Variants in CNTNAP5 observed in about 807,000 individuals in gnomAD.
CNTNAP5 encodes the protein contactin-associated protein-like 5.
A neutral mutation model predicts 150.2 loss-of-function variants in CNTNAP5; 72 were observed. The ratio of observed to expected loss-of-function variants is 0.48; its 90% CI spans 0.40 to 0.58. The LOEUF (loss-of-function observed/expected upper bound fraction) is 0.58. CNTNAP5 is among the 20% of genes least tolerant of loss of function. The pLI is 0.00. For missense variants in CNTNAP5, 1,636 were observed against 1,626.2 expected, an observed-to-expected ratio of 1.01 and a Z score of -0.10; for synonymous variants, 672 against 619.8, an observed-to-expected ratio of 1.08 and a Z score of -1.25.
chr2:124,450,385 G>T (rs979698297), intron 6 of CNTNAP5, among the ~76,000 whole-genome samples: 1 of 151,570 alleles, frequency 6.6e-6, no homozygotes, highest in African/African-American at 2.4e-5. Context: ...GCAAGAAAAG[G>T]TAGTAGCTTT....
intron 12 of CNTNAP5, among the ~76,000 whole-genome samples, chr2:124,646,795 C>T (rs1245611902): frequency 6.6e-6 from 1 of 152,030 alleles, no homozygotes; most frequent in African/African-American, 2.4e-5. Context: ...TCTTAACTGA[C>T]TATAAAACTA....
At chr2:124,271,604 A>G (rs1389864036) in intron 3 of CNTNAP5, among the ~76,000 whole-genome samples, 1 of 152,178 alleles carries the variant, frequency 6.6e-6, no homozygotes, top group Non-Finnish European at 1.5e-5. Context: ...TTCATCAGAA[A>G]AACTTTGGCT....
intron 21 of CNTNAP5, among the ~76,000 whole-genome samples, chr2:124,902,328 G>T (rs1004229742): frequency 6.6e-6 from 1 of 152,114 alleles, no homozygotes; most frequent in Admixed American, 6.6e-5. Context: ...ACAGAACCAA[G>T]CAGGTGGAAA....
chr2:124,647,582 C>T (rs1678229566), intron 12 of CNTNAP5, among the ~76,000 whole-genome samples, 176 bp from the exon 13 acceptor site: 1 of 152,180 alleles, frequency 6.6e-6, no homozygotes, highest in Non-Finnish European at 1.5e-5. Flanking sequence ...ATTACTGACC[C>T]CCATCCTAAC....
intron 19 of CNTNAP5, among the ~76,000 whole-genome samples, chr2:124,826,310 C>T (rs1439076485): frequency 6.6e-6 from 1 of 152,042 alleles, no homozygotes; most frequent in Admixed American, 6.6e-5. Flanking sequence ...GTTTCACAGC[C>T]TTTCTTAGTG....
intron 10 of CNTNAP5, among the ~76,000 whole-genome samples, chr2:124,537,459 GAT>G (rs1695265395): frequency 6.6e-6 from 1 of 152,174 alleles, no homozygotes; most frequent in Admixed American, 6.5e-5. Context: ...AACACACTGA[GAT>G]AGACGCAGAA....
chr2:124,553,537 A>G (rs1003186417), intron 10 of CNTNAP5, among the ~76,000 whole-genome samples: 2 of 151,714 alleles, frequency 1.3e-5, no homozygotes, highest in Admixed American at 1.3e-4. Context: ...ATGCATAAGG[A>G]AAATAAAAGG....
chr2:124,496,250 T>C (rs757186895), intron 7 of CNTNAP5, among the ~76,000 whole-genome samples: 1 of 152,202 alleles, frequency 6.6e-6, no homozygotes, highest in African/African-American at 2.4e-5. Context: ...GGAAGGTAGC[T>C]TGAGCTCACA....
At chr2:124,175,781 C>CA in intron 1 of CNTNAP5, among the ~76,000 whole-genome samples, 1 of 152,286 alleles carries the variant, frequency 6.6e-6, no homozygotes, top group Non-Finnish European at 1.5e-5. Context: ...TTTATGGCTG[C>CA]AAAATATTCC....
At chr2:124,610,031 C>G in intron 12 of CNTNAP5, 111 bp downstream of exon 12, 1 of 1,247,230 alleles carries the variant, frequency 8.0e-7, no homozygotes, top group Non-Finnish European at 1.1e-6. Context: ...GAAAGACCAA[C>G]TGGTCTCCTT....
At chr2:124,512,741 A>G (rs1694621382) in intron 8 of CNTNAP5, among the ~76,000 whole-genome samples, 1 of 152,208 alleles carries the variant, frequency 6.6e-6, no homozygotes, top group African/African-American at 2.4e-5. Flanking sequence ...ACAAAAATGT[A>G]AAAAACATTT....
chr2:124,041,222 A>C (rs1681363210), intron 1 of CNTNAP5, among the ~76,000 whole-genome samples: 1 of 152,262 alleles, frequency 6.6e-6, no homozygotes, highest in African/African-American at 2.4e-5. Context: ...CATTGTTTAG[A>C]GTAAAGATTT....
chr2:124,417,359 C>T (rs541768153), intron 3 of CNTNAP5, 84 bp from the exon 4 acceptor site: 28 of 1,411,954 alleles, frequency 2.0e-5, no homozygotes, highest in East Asian at 6.9e-5. Flanking sequence ...GTTCTCAGTA[C>T]GAGTTCGTGG....
chr2:124,403,053 T>C (rs538669344), intron 3 of CNTNAP5, among the ~76,000 whole-genome samples: 1 of 152,222 alleles, frequency 6.6e-6, no homozygotes, highest in African/African-American at 2.4e-5. Flanking sequence ...TGTATCTTCT[T>C]AAATTAGAAA....
At chr2:124,620,224 G>T (rs796547028) in intron 12 of CNTNAP5, among the ~76,000 whole-genome samples, 13 of 152,116 alleles carry the variant, frequency 8.5e-5, no homozygotes, top group African/African-American at 3.1e-4. Context: ...CTGCCAAATT[G>T]AAGACTAATT....
rs149127004 is a variant in CNTNAP5, at chr2:124,666,610, G to T, written c.2077+18652G>T. 9.0e-4 allele frequency among the ~76,000 whole-genome samples: 137 copies of T among 152,200 alleles called. 2 individuals carry two copies. The highest frequency in any genetic ancestry group is 5.6e-3 in the South Asian group (27 of 4,814). ...TTTCTCTAGAGTCCCCTTGGCCAAG[G>T]GGCGAGGGGTCTCTTCAGAGATGAG... On this transcript the variant is annotated intron_variant, in intron 13 of 23. Coordinates refer to ENST00000682447, the MANE Select transcript of CNTNAP5 (RefSeq NM_001367498.1).
At chr2:124,336,446 C>T (rs927381542) in intron 3 of CNTNAP5, among the ~76,000 whole-genome samples, 19 of 151,842 alleles carry the variant, frequency 1.3e-4, no homozygotes, top group Admixed American at 2.6e-4. Context: ...CATATATATA[C>T]ATGTGCCATG....
chr2:124,145,847 T>TAAAAAAAAAAAA (rs1684239013), intron 1 of CNTNAP5, among the ~76,000 whole-genome samples: 1 of 47,146 alleles, frequency 2.1e-5, no homozygotes, highest in African/African-American at 8.0e-5. Context: ...AAAAAAAAAA[T>TAAAAAAAAAAAA]AAAATATATT....
chr2:124,721,928 A>G (rs1220719593), intron 13 of CNTNAP5, among the ~76,000 whole-genome samples: 2 of 152,028 alleles, frequency 1.3e-5, no homozygotes, highest in East Asian at 1.9e-4. Context: ...GAGTGTGCAG[A>G]TGCCTGCCTT....
Sources: allele counts gnomAD v4.1 joint callset (sites outside exome capture counted in the v4.1 genomes callset), GRCh38; gene constraint gnomAD v4.1.1; transcripts MANE v1.5; gene names NCBI Gene and HGNC (gene_info 2026-07-23, HGNC 2026-07-21).